The following CENPP variants were observed in gnomAD, a reference collection of about 807,000 sequenced individuals.
CENPP encodes centromere protein P.
CENPP carries 24 observed loss-of-function variants against 35.6 expected under a neutral mutation model. The ratio of observed to expected loss-of-function variants is 0.67; its 90% confidence interval spans 0.49 to 0.95. CENPP has a LOEUF of 0.95. Among genes scored for constraint, CENPP ranks in the 40% least tolerant of loss-of-function variants. CENPP has a pLI of 0.00. For missense variants in CENPP, 332 were observed against 345.3 expected (o/e 0.96, Z 0.31); for synonymous variants, 120 against 125.5 (o/e 0.96, Z 0.29).
chr9:92,423,913 A>G (rs1393340739), intron 5 of CENPP, among the ~76,000 whole-genome samples: 1 of 152,200 alleles, frequency 6.6e-6, no homozygotes, highest in Non-Finnish European at 1.5e-5. Flanking sequence ...AAAGAGATTG[A>G]TTCCTTTAAC....
chr9:92,600,853 G>A (rs1451376467), intron 5 of CENPP, among the ~76,000 whole-genome samples: 1 of 152,204 alleles, frequency 6.6e-6, no homozygotes, highest in African/African-American at 2.4e-5. Flanking sequence ...TTATTTTTGT[G>A]GATGGTCTTG....
intron 5 of CENPP, among the ~76,000 whole-genome samples, chr9:92,584,163 C>T (rs1028850155): frequency 2.4e-4 from 37 of 152,210 alleles, no homozygotes; most frequent in African/African-American, 8.9e-4. Context: ...ATTCAAATGA[C>T]TCCCATCTGC....
At chr9:92,396,366 C>T (rs1029085158) in intron 5 of CENPP, among the ~76,000 whole-genome samples, 3 of 151,138 alleles carry the variant, frequency 2.0e-5, no homozygotes, top group Non-Finnish European at 4.4e-5. Flanking sequence ...TTAGAATCAG[C>T]TTGTTAATTA....
intron 3 of CENPP, chr9:92,340,510 A>C (rs1056264444): frequency 6.6e-6 from 1 of 152,642 alleles, no homozygotes; most frequent in Non-Finnish European, 1.5e-5. Context: ...TCACCATGTA[A>C]AATGTTGCGG....
At position 92,477,749 on chromosome 9, in the gene CENPP, C is replaced by A. The variant is rs550733321; in HGVS notation, c.564+97890C>A. Among the ~76,000 whole-genome samples, 3 of 152,172 alleles carry A rather than the reference C, an allele frequency of 2.0e-5. No homozygotes were observed. The South Asian group carries it at 6.2e-4, about 32-fold the overall frequency. On this transcript the variant is annotated intron_variant, in intron 5 of 7. Coordinates refer to ENST00000375587, the MANE Select transcript of CENPP (RefSeq NM_001012267.3). ...TCCCTACTCAAAAATAAAAAACCCG[C>A]AACTCCTAATCAACTACTGTCAGGT... is the stretch of plus-strand genomic sequence containing the variant.
chr9:92,428,860 C>T (rs1024187638), intron 5 of CENPP, among the ~76,000 whole-genome samples: 3 of 152,132 alleles, frequency 2.0e-5, no homozygotes, highest in Non-Finnish European at 2.9e-5. Flanking sequence ...CTGGTTTCTG[C>T]GCTGTACCCA....
chr9:92,515,763 T>TAG (rs1183659056), intron 5 of CENPP, among the ~76,000 whole-genome samples: 6 of 152,340 alleles, frequency 3.9e-5, no homozygotes, highest in Middle Eastern at 3.4e-3. Flanking sequence ...TTCAGAATTA[T>TAG]AGAGAGAGAG....
rs1253228905 is a variant in CENPP, at chr9:92,335,940, G to A, written c.290-1601G>A. Among the ~76,000 whole-genome samples the A allele has an allele frequency of 3.9e-5, 6 of 152,268 alleles. No homozygotes were observed. The East Asian group carries it at 1.2e-3, about 29-fold the overall frequency. ...AAAGTAACTTGCTGGAATTTTGATT[G>A]GATTGCATTGAATGTACTGATCAAA... is the stretch of plus-strand genomic sequence containing the variant. On this transcript the variant is annotated intron_variant, in intron 2 of 7. Coordinates refer to ENST00000375587, the MANE Select transcript of CENPP (RefSeq NM_001012267.3).
intron 5 of CENPP, chr9:92,460,323 C>G (rs940299066): frequency 1.9e-6 from 1 of 535,268 alleles, no homozygotes; most frequent in African/African-American, 2.0e-5. Flanking sequence ...CGTGAGCCAC[C>G]ACACCCGGCC....
chr9:92,549,175 A>T (rs1189075161), intron 5 of CENPP, among the ~76,000 whole-genome samples: 1 of 152,182 alleles, frequency 6.6e-6, no homozygotes, highest in East Asian at 1.9e-4. Context: ...TCATAGGAAA[A>T]TGGGCTATGG....
intron 5 of CENPP, among the ~76,000 whole-genome samples, chr9:92,402,174 G>A (rs1564301491): frequency 6.6e-6 from 1 of 152,144 alleles, no homozygotes; most frequent in African/African-American, 2.4e-5. Flanking sequence ...AATAGCCTAT[G>A]TTATGATGGG....
At chr9:92,510,945 G>A (rs1208796921) in intron 5 of CENPP, among the ~76,000 whole-genome samples, 3 of 152,204 alleles carry the variant, frequency 2.0e-5, no homozygotes, top group Non-Finnish European at 4.4e-5. Context: ...GAAGAGACCA[G>A]TGATTTGTCT....
intron 5 of CENPP, among the ~76,000 whole-genome samples, chr9:92,603,194 C>G (rs1373433051): frequency 1.3e-5 from 2 of 152,330 alleles, no homozygotes; most frequent in Non-Finnish European, 2.9e-5. Flanking sequence ...GGGACAAAGG[C>G]CCCTTGTCCC....
At chr9:92,567,504 A>C (rs984593205) in intron 5 of CENPP, among the ~76,000 whole-genome samples, 3 of 151,120 alleles carry the variant, frequency 2.0e-5, no homozygotes, top group Non-Finnish European at 4.4e-5. Context: ...TAGCCATTTG[A>C]AACTAAATAT....
intron 5 of CENPP, among the ~76,000 whole-genome samples, chr9:92,432,399 T>C (rs1053348810): frequency 6.6e-6 from 1 of 152,216 alleles, no homozygotes; most frequent in Non-Finnish European, 1.5e-5. Flanking sequence ...AGCTCTTTGT[T>C]TGAAAGACAT....
intron 5 of CENPP, among the ~76,000 whole-genome samples, chr9:92,575,183 C>T (rs1354887927): frequency 6.6e-6 from 1 of 152,084 alleles, no homozygotes; most frequent in Admixed American, 6.5e-5. Flanking sequence ...AAGGTATAGT[C>T]AACTTAAGGA....
intron 5 of CENPP, chr9:92,475,003 G>A (rs746138692): frequency 1.0e-5 from 14 of 1,340,402 alleles, no homozygotes; most frequent in African/African-American, 1.6e-5. Flanking sequence ...TGGCAAGAGT[G>A]CAATGAAATG....
At chr9:92,512,089 A>G in intron 5 of CENPP, 4 of 1,613,884 alleles carry the variant, frequency 2.5e-6, no homozygotes, top group Non-Finnish European at 3.4e-6. Context: ...TTGGTAATCC[A>G]TTAAATGCTT....
At chr9:92,398,720 C>A (rs1373496988) in intron 5 of CENPP, among the ~76,000 whole-genome samples, 1 of 152,158 alleles carries the variant, frequency 6.6e-6, no homozygotes, top group Non-Finnish European at 1.5e-5. Context: ...CAATTGCATG[C>A]AATGCTTTAG....
Sources: allele counts gnomAD v4.1 joint callset (sites outside exome capture counted in the v4.1 genomes callset), GRCh38; gene constraint gnomAD v4.1.1; transcripts MANE v1.5; gene names NCBI Gene and HGNC (gene_info 2026-07-23, HGNC 2026-07-21).